Variants in VTI1A observed in about 807,000 individuals in gnomAD.
VTI1A encodes the protein vesicle transport through interaction with t-SNAREs homolog 1A.
A neutral mutation model predicts 34.9 loss-of-function variants in VTI1A; 22 were observed. That is an observed-to-expected ratio of 0.63 (90% CI 0.45 to 0.90). The LOEUF (loss-of-function observed/expected upper bound fraction) is 0.90, where lower values mean the gene tolerates loss of function less well. Among genes scored for constraint, VTI1A ranks in the 40% least tolerant of loss-of-function variants. The pLI, the probability that VTI1A is intolerant of heterozygous loss-of-function variation, is 0.00. For missense variants in VTI1A, 268 were observed against 275.6 expected, an observed-to-expected ratio of 0.97 and a Z score of 0.20; for synonymous variants, 87 against 97.3, an observed-to-expected ratio of 0.89 and a Z score of 0.62.
chr10:112,638,390 G>T (rs1846441625), intron 5 of VTI1A, among the ~76,000 whole-genome samples: 1 of 151,964 alleles, frequency 6.6e-6, no homozygotes, highest in Non-Finnish European at 1.5e-5. Flanking sequence ...TGGTATAGAG[G>T]GGAAATTCCT....
At chr10:112,520,457 T>C (rs772334515) in intron 3 of VTI1A, among the ~76,000 whole-genome samples, 2 of 152,004 alleles carry the variant, frequency 1.3e-5, no homozygotes, top group Non-Finnish European at 2.9e-5. Flanking sequence ...GAAGAGGAAA[T>C]GAAGAACTGC....
chr10:112,477,684 T>G (rs1848320170), intron 3 of VTI1A, among the ~76,000 whole-genome samples: 1 of 152,258 alleles, frequency 6.6e-6, no homozygotes, highest in Admixed American at 6.5e-5. Flanking sequence ...GTGAAATGTC[T>G]GATTATAGAA....
chr10:112,730,670 TTC>T (rs1850219607), intron 7 of VTI1A, among the ~76,000 whole-genome samples: 1 of 152,120 alleles, frequency 6.6e-6, no homozygotes, highest in Non-Finnish European at 1.5e-5. Flanking sequence ...CTCTCCTCTT[TTC>T]TCTCTTTCCC....
At chr10:112,742,437 T>C (rs186742614) in intron 7 of VTI1A, among the ~76,000 whole-genome samples, 12 of 152,338 alleles carry the variant, frequency 7.9e-5, no homozygotes, top group Admixed American at 7.2e-4. Context: ...GTTTTGAGCC[T>C]GAAACTCAGC....
intron 3 of VTI1A, among the ~76,000 whole-genome samples, chr10:112,511,229 A>G (rs1381429703): frequency 1.3e-5 from 2 of 150,738 alleles, no homozygotes; most frequent in Non-Finnish European, 3.0e-5. Context: ...GTACAAATGT[A>G]TGGGATACAT....
intron 5 of VTI1A, among the ~76,000 whole-genome samples, chr10:112,651,693 A>G: frequency 6.6e-6 from 1 of 152,194 alleles, no homozygotes; most frequent in East Asian, 1.9e-4. Flanking sequence ...AATAGTAATA[A>G]TAATTATTTT....
Position 112,524,519 on chromosome 10 carries a change from A to G in VTI1A, c.265-2568A>G, listed in dbSNP as rs549709119. Among the ~76,000 whole-genome samples, 3 of 152,290 alleles carry G rather than the reference A, an allele frequency of 2.0e-5. No homozygotes were observed. The East Asian group carries it at 5.8e-4, about 29-fold the overall frequency. ...ATCCCAATGGTGAAGAATGACATTT[A>G]TAGGGACCACCCTTCAACTGTGGAT... On this transcript the variant is annotated intron_variant, in intron 3 of 7. Coordinates refer to ENST00000393077, the MANE Select transcript of VTI1A (RefSeq NM_145206.4).
At chr10:112,530,955 C>T (rs1297037079) in intron 4 of VTI1A, among the ~76,000 whole-genome samples, 2 of 151,944 alleles carry the variant, frequency 1.3e-5, no homozygotes, top group African/African-American at 2.4e-5. Flanking sequence ...GTGTAAAGGG[C>T]GTTTAATAGA....
At chr10:112,475,048 G>A (rs1423149360) in intron 3 of VTI1A, among the ~76,000 whole-genome samples, 1 of 152,156 alleles carries the variant, frequency 6.6e-6, no homozygotes, top group African/African-American at 2.4e-5. Flanking sequence ...GCCTATAAAA[G>A]GTTCGTGTTC....
intron 7 of VTI1A, among the ~76,000 whole-genome samples, chr10:112,758,275 C>T (rs1851353659): frequency 6.6e-6 from 1 of 152,096 alleles, no homozygotes; most frequent in African/African-American, 2.4e-5. Flanking sequence ...CCCCAGCCTG[C>T]ACTTTCTTCT....
At chr10:112,631,299 A>G (rs766740384) in intron 5 of VTI1A, among the ~76,000 whole-genome samples, 14 of 152,200 alleles carry the variant, frequency 9.2e-5, no homozygotes, top group Non-Finnish European at 1.3e-4. Flanking sequence ...CCATTTTAAA[A>G]TGTACACATC....
rs146423959 is a variant in VTI1A, at chr10:112,529,449, A to G, written c.342+2285A>G. 2.2e-4 allele frequency among the ~76,000 whole-genome samples: 33 copies of G among 152,250 alleles called. No individual in the cohort carries two copies. The East Asian group carries it at 3.7e-3, about 17-fold the overall frequency. On this transcript the variant is annotated intron_variant, in intron 4 of 7. Coordinates refer to ENST00000393077, the MANE Select transcript of VTI1A (RefSeq NM_145206.4). ...AGCATTCATTCAGAATATGGAGTCA[A>G]AACGGAAGCTCTTTCTGTAAAGAAA...
chr10:112,804,773 A>T (rs1564932070), intron 7 of VTI1A, among the ~76,000 whole-genome samples: 1 of 151,388 alleles, frequency 6.6e-6, no homozygotes, highest in Non-Finnish European at 1.5e-5. Flanking sequence ...GACCTGCCAG[A>T]CCTGTCTGTG....
At position 112,593,913 on chromosome 10, in the gene VTI1A, TA is replaced by T. The variant is rs1186017570; in HGVS notation, c.427+55584del. 1.7e-3 allele frequency among the ~76,000 whole-genome samples: 233 copies of T among 139,626 alleles called. 1 individual carries two copies. The highest frequency in any genetic ancestry group is 6.3e-3 in the African/African-American group (214 of 34,212). 91.6% of individuals were successfully genotyped at this position (139,626 alleles called of 152,430 possible). A position where few individuals can be genotyped will look rare whatever the true frequency, so the allele number is the denominator to read the frequency against. On this transcript the variant is annotated intron_variant, in intron 5 of 7. Coordinates refer to ENST00000393077, the MANE Select transcript of VTI1A (RefSeq NM_145206.4). ...CACCACGCCCGGCTAATTTTTTTTT[TA>T]TTATTATTATTTTGAGACGGAGTCT...
At chr10:112,447,049 GA>G (rs1311568399), upstream of VTI1A, 62 of 315,712 alleles carry the variant, frequency 2.0e-4, no homozygotes, top group Non-Finnish European at 2.6e-4. Context: ...ACGAAGGGGG[GA>G]AAAAACGCTT....
At chr10:112,744,459 CTTTTTTTTTT>C (rs11400561) in intron 7 of VTI1A, among the ~76,000 whole-genome samples, 9 of 126,084 alleles carry the variant, frequency 7.1e-5, no homozygotes, top group Non-Finnish European at 1.1e-4. Flanking sequence ...CTTCTTCTTC[CTTTTTTTTTT>C]TTTTTTTTTG....
chr10:112,475,387 G>T (rs1848245617), intron 3 of VTI1A, among the ~76,000 whole-genome samples: 1 of 152,232 alleles, frequency 6.6e-6, no homozygotes, highest in African/African-American at 2.4e-5. Flanking sequence ...TTAAGTTTAT[G>T]TCAGATTCCT....
intron 7 of VTI1A, among the ~76,000 whole-genome samples, chr10:112,782,492 G>A (rs985192351): frequency 3.9e-5 from 6 of 152,242 alleles, no homozygotes; most frequent in Admixed American, 2.0e-4. Context: ...ATCTGTATCC[G>A]ATCTTTCCCG....
the VTI1A span, among the ~76,000 whole-genome samples, chr10:112,850,485 C>T: frequency 6.6e-6 from 1 of 152,072 alleles, no homozygotes; most frequent in Non-Finnish European, 1.5e-5. Flanking sequence ...ACCCCATTCA[C>T]TAAACCCCCA....
Sources: gnomAD v4.1 joint callset for allele counts (sites outside exome capture counted in the v4.1 genomes callset) on GRCh38, gnomAD v4.1.1 for gene constraint, MANE v1.5 for transcripts, NCBI Gene and HGNC (gene_info 2026-07-23, HGNC 2026-07-21) for gene names.